The following SH3GL2 variants were observed in gnomAD, a reference collection of about 807,000 sequenced individuals.
The protein encoded by SH3GL2 is endophilin-A1.
SH3GL2 carries 24 observed loss-of-function variants against 46.0 expected under a neutral mutation model. That is an observed-to-expected ratio of 0.52 (90% CI 0.38 to 0.73). The LOEUF is 0.73. Ranked by LOEUF, SH3GL2 falls within the 30% of genes least tolerant of loss-of-function variation. The pLI, the probability that SH3GL2 is intolerant of heterozygous loss-of-function variation, is 0.00. For missense variants in SH3GL2, 413 were observed against 424.2 expected (o/e 0.97, Z 0.23); for synonymous variants, 196 against 147.1 (o/e 1.33, Z -2.40).
At chr9:17,725,228 T>C (rs1243326441) in intron 1 of SH3GL2, among the ~76,000 whole-genome samples, 2 of 152,130 alleles carry the variant, frequency 1.3e-5, no homozygotes, top group African/African-American at 2.4e-5. Context: ...GGGAAATTTT[T>C]TCAAGTCTGT....
intron 1 of SH3GL2, among the ~76,000 whole-genome samples, chr9:17,724,136 A>T (rs528648015): frequency 3.9e-5 from 6 of 151,978 alleles, no homozygotes; most frequent in African/African-American, 1.4e-4. Context: ...GCTAACTGCT[A>T]TCCCCCATTT....
At chr9:17,789,661 G>C in intron 6 of SH3GL2, 111 bp downstream of exon 6, 1 of 1,501,664 alleles carries the variant, frequency 6.7e-7, no homozygotes, top group Non-Finnish European at 8.9e-7. Context: ...TATGTGATAA[G>C]AACTTCAGTA....
chr9:17,705,023 A>C (rs911105873), intron 1 of SH3GL2, among the ~76,000 whole-genome samples: 1 of 151,510 alleles, frequency 6.6e-6, no homozygotes, highest in Non-Finnish European at 1.5e-5. Flanking sequence ...TAATATCCAG[A>C]ATTTATAAGG....
chr9:17,738,730 G>C (rs922394220), intron 1 of SH3GL2, among the ~76,000 whole-genome samples: 3 of 150,390 alleles, frequency 2.0e-5, no homozygotes, highest in Admixed American at 1.3e-4. Context: ...TCAGAACTTT[G>C]CAGGTCAGGT....
intron 5 of SH3GL2, 21 bp downstream of exon 5, chr9:17,787,534 G>A (rs770779994): frequency 6.2e-7 from 1 of 1,604,786 alleles, no homozygotes; most frequent in South Asian, 1.1e-5. Context: ...TGAGTCTTCT[G>A]GAAAGTGGGC....
chr9:17,613,470 C>A (rs1205917731), intron 1 of SH3GL2, among the ~76,000 whole-genome samples: 6 of 152,106 alleles, frequency 3.9e-5, no homozygotes, highest in African/African-American at 1.4e-4. Context: ...CACATATTGT[C>A]CCTCCCCCAA....
intron 1 of SH3GL2, among the ~76,000 whole-genome samples, chr9:17,633,402 G>A (rs1220160531): frequency 2.0e-5 from 3 of 152,126 alleles, no homozygotes; most frequent in Non-Finnish European, 4.4e-5. Flanking sequence ...GTAAAAGCAT[G>A]GGTAACTGCT....
At chr9:17,685,098 G>C (rs186098172) in intron 1 of SH3GL2, among the ~76,000 whole-genome samples, 1 of 152,164 alleles carries the variant, frequency 6.6e-6, no homozygotes, top group Admixed American at 6.5e-5. Context: ...AGGTTTTCTA[G>C]AGAAACAGAA....
intron 1 of SH3GL2, among the ~76,000 whole-genome samples, chr9:17,733,879 C>T (rs1394318559): frequency 6.6e-6 from 1 of 151,572 alleles, no homozygotes; most frequent in Non-Finnish European, 1.5e-5. Flanking sequence ...AACAAAAAAA[C>T]CAAACACTGC....
Position 17,761,353 on chromosome 9 carries a change from G to A in SH3GL2, c.115-84G>A, listed in dbSNP as rs879932600. ...TGTCCGGGGCTCTGTTGCATACCCC[G>A]CCATTGTATACAGACTCAACCAAAA... On this transcript the variant is annotated intron_variant, in intron 2 of 8. Coordinates refer to ENST00000380607, the MANE Select transcript of SH3GL2 (RefSeq NM_003026.5). 127 of 848,920 alleles carry A rather than the reference G, an allele frequency of 1.5e-4. 3 individuals are homozygous for A. Among genetic ancestry groups the A allele is most frequent in the Admixed American group, 4.0e-4 (23 of 57,434 alleles). 52.6% of individuals were successfully genotyped at this position (848,920 alleles called of 1,614,324 possible).
At chr9:17,702,322 A>G (rs965537353) in intron 1 of SH3GL2, among the ~76,000 whole-genome samples, 2 of 152,118 alleles carry the variant, frequency 1.3e-5, no homozygotes, top group African/African-American at 4.8e-5. Flanking sequence ...GAAACCAGTG[A>G]AGAAATTTGA....
At chr9:17,738,643 G>T (rs373476543) in intron 1 of SH3GL2, among the ~76,000 whole-genome samples, 20,124 of 45,762 alleles carry the variant, frequency 0.44, 2,354 homozygotes, top group African/African-American at 0.54. Context: ...TATATATATA[G>T]AGAGAGAGAG....
At chr9:17,776,951 C>G (rs144354405) in intron 3 of SH3GL2, among the ~76,000 whole-genome samples, 1 of 152,304 alleles carries the variant, frequency 6.6e-6, no homozygotes, top group Non-Finnish European at 1.5e-5. Context: ...AACTCCAGCA[C>G]ACCACTGGAT....
chr9:17,676,217 C>CT (rs1820604754), intron 1 of SH3GL2, among the ~76,000 whole-genome samples: 1 of 152,164 alleles, frequency 6.6e-6, no homozygotes, highest in African/African-American at 2.4e-5. Context: ...TTTAGTGTCT[C>CT]TTCCTTTTCT....
chr9:17,622,098 A>AT (rs1819154782), intron 1 of SH3GL2, among the ~76,000 whole-genome samples: 1 of 152,092 alleles, frequency 6.6e-6, no homozygotes, highest in Non-Finnish European at 1.5e-5. Context: ...CCTATTTTTC[A>AT]TTTGGAAATT....
At chr9:17,657,850 T>C (rs1416237619) in intron 1 of SH3GL2, among the ~76,000 whole-genome samples, 5 of 152,194 alleles carry the variant, frequency 3.3e-5, no homozygotes, top group African/African-American at 1.2e-4. Context: ...CATTTTGATA[T>C]TCTTATAGCA....
intron 1 of SH3GL2, among the ~76,000 whole-genome samples, chr9:17,673,335 A>G (rs375527582): frequency 1.9e-4 from 17 of 91,094 alleles, no homozygotes; most frequent in African/African-American, 7.7e-4. Context: ...TTTTTTTTTT[A>G]TAGAGGCGGG....
chr9:17,717,057 A>C (rs922634909), intron 1 of SH3GL2, among the ~76,000 whole-genome samples: 2 of 152,056 alleles, frequency 1.3e-5, no homozygotes, highest in Non-Finnish European at 2.9e-5. Flanking sequence ...CCTGGTAGCT[A>C]TCTATATCTT....
chr9:17,590,553 T>C (rs1210626124), intron 1 of SH3GL2: 1 of 152,182 alleles, frequency 6.6e-6, no homozygotes, highest in Non-Finnish European at 1.5e-5. Flanking sequence ...TTGAAGCTGA[T>C]AAACCTAAAA....
Sources: gnomAD v4.1 joint callset for allele counts (sites outside exome capture counted in the v4.1 genomes callset) on GRCh38, gnomAD v4.1.1 for gene constraint, MANE v1.5 for transcripts, NCBI Gene and HGNC (gene_info 2026-07-23, HGNC 2026-07-21) for gene names.